The following EP400 variants were observed in gnomAD, a reference collection of about 807,000 sequenced individuals.
EP400 encodes the protein E1A binding protein p400.
EP400 carries 105 observed loss-of-function variants against 354.1 expected under a neutral mutation model. The ratio of observed to expected loss-of-function variants is 0.30; its 90% CI spans 0.25 to 0.35. EP400 has a LOEUF of 0.35. Among genes scored for constraint, EP400 ranks in the 10% least tolerant of loss-of-function variants. The pLI, the probability that EP400 is intolerant of heterozygous loss-of-function variation, is 1.00. For synonymous variants in EP400, 1,646 were observed against 1,716.9 expected (o/e 0.96, Z 1.02); for missense variants, 3,280 against 4,121.0 (o/e 0.80, Z 5.59).
intron 15 of EP400, 111 bp downstream of exon 15, chr12:132,006,988 C>T (rs377675185): frequency 9.7e-6 from 12 of 1,237,582 alleles, no homozygotes; most frequent in Middle Eastern, 5.0e-4. Context: ...TTCTTTGCTC[C>T]TATCTGTTGA....
At chr12:131,950,419 C>T (rs1462889583) in intron 1 of EP400, among the ~76,000 whole-genome samples, 3 of 152,308 alleles carry the variant, frequency 2.0e-5, no homozygotes, top group African/African-American at 4.8e-5. Flanking sequence ...GCTCTTGCTC[C>T]TGGCGCTTGC....
chr12:131,987,731 G>A lies in EP400; in HGVS notation c.2250G>A (p.Ala750=), dbSNP rs780209759. Residue 750 remains alanine (A), a synonymous_variant, in exon 7 of 53, where the codon GCG becomes GCA. Coordinates refer to ENST00000389561, the MANE Select transcript of EP400 (RefSeq NM_015409.5). ...TLENQVHQRI[A]ELRKAGLWSQ... The stretch of plus-strand genomic sequence containing the variant: ...AGAACCAGGTGCATCAGCGCATTGC[G>A]GAGCTGAGGAAAGCAGGTCTGTGGT... The A allele has an allele frequency of 2.9e-5, 46 of 1,609,658 alleles. 1 individual carries two copies. In the South Asian group the frequency reaches 4.0e-4, roughly 14 times the overall value.
At chr12:132,039,178 T>C (rs987474257) in intron 32 of EP400, among the ~76,000 whole-genome samples, 8 of 152,202 alleles carry the variant, frequency 5.3e-5, no homozygotes, top group African/African-American at 1.9e-4. Flanking sequence ...CATTACTCAG[T>C]TACTGAATAA....
intron 30 of EP400, among the ~76,000 whole-genome samples, chr12:132,036,271 A>C (rs1461830834): frequency 2.0e-5 from 3 of 146,602 alleles, no homozygotes; most frequent in Non-Finnish European, 3.0e-5. Context: ...CGTCGTGGGA[A>C]GGACACACCC....
intron 51 of EP400, 51 bp from the exon 52 acceptor site, chr12:132,076,465 G>A (rs1353805416): frequency 1.3e-6 from 2 of 1,574,114 alleles, no homozygotes; most frequent in South Asian, 1.1e-5. Flanking sequence ...ATCTCTTTTT[G>A]TGCACATACT....
rs764944164 is a variant in EP400, at chr12:132,013,422, G to A, written c.3612-68G>A. Reference sequence around the variant, plus strand: ...CTGTCCCTTTTCTCACACATTGTCAGAGAAGATGCTGCTGCAGCCAGCCCC... The same window carrying A: ...CTGTCCCTTTTCTCACACATTGTCAAAGAAGATGCTGCTGCAGCCAGCCCC... On this transcript the variant is annotated intron_variant, in intron 17 of 52. Transcript: ENST00000389561. This position sits in a 1 kb window ranked among gnomAD's most constrained non-coding sequence, Gnocchi z 4.5. 5.1e-5 allele frequency: 77 copies of A among 1,503,400 alleles called. No individual in the cohort carries two copies. The highest frequency in any genetic ancestry group is 6.7e-5 in the Non-Finnish European group (75 of 1,122,646). The allele number at this position is 1,503,400 out of a possible 1,614,324, so 93.1% of individuals were successfully genotyped here.
At chr12:132,031,184 T>TGAGGTTA (rs766029877) in intron 29 of EP400, 1 of 498,068 alleles carries the variant, frequency 2.0e-6, no homozygotes, top group South Asian at 1.5e-5. Flanking sequence ...TGGTCAACAG[T>TGAGGTTA]GAGGTTAGAG....
rs200737694 is a variant in EP400, at chr12:132,003,192, TA to T, written c.2828-1871del. ...AAGACCCCATCTCTAAAAGAAATAT[TA>T]AAAAAAAAAAAAACAGCCAACCAAA... On this transcript the variant is annotated intron_variant, in intron 12 of 52. Coordinates refer to ENST00000389561, the MANE Select transcript of EP400 (RefSeq NM_015409.5). Among the ~76,000 whole-genome samples, 537 of 116,588 alleles carry T rather than the reference TA, an allele frequency of 4.6e-3. 2 individuals are homozygous for T. Among genetic ancestry groups the T allele is most frequent in the Middle Eastern group, 0.017 (4 of 240 alleles). The allele number at this position is 116,588 out of a possible 152,430, so 76.5% of individuals were successfully genotyped here.
intron 23 of EP400, among the ~76,000 whole-genome samples, chr12:132,022,804 G>A (rs1438016195): frequency 6.6e-6 from 1 of 151,894 alleles, no homozygotes; most frequent in African/African-American, 2.4e-5. Context: ...TGTAGACACC[G>A]TGGCTCACAC....
intron 45 of EP400, 36 bp downstream of exon 45, chr12:132,055,244 T>G (rs1357829049): frequency 1.4e-6 from 2 of 1,451,558 alleles, no homozygotes; most frequent in Non-Finnish European, 1.9e-6. Flanking sequence ...GCACCTTGAC[T>G]GCATTCTGCC....
rs564239648 is a variant in EP400 at position 131,950,883 on chromosome 12, G to A, written c.-36+847G>A. On this transcript the variant is annotated intron_variant, in intron 1 of 52. Coordinates refer to ENST00000389561, the MANE Select transcript of EP400 (RefSeq NM_015409.5). Reference sequence around the variant, plus strand: ...ACCAAAGGCTTGGGCCACCATGCCCGGCTCACTTTTTATTTTGTTTTGTTA... The same window carrying A: ...ACCAAAGGCTTGGGCCACCATGCCCAGCTCACTTTTTATTTTGTTTTGTTA... Among the ~76,000 whole-genome samples, 76 of 152,112 alleles carry A rather than the reference G, an allele frequency of 5.0e-4. No individual in the cohort carries two copies. The South Asian group carries it at 6.6e-3, about 13-fold the overall frequency.
rs762111390 is a variant in EP400, at chr12:132,020,115, C to T, written c.4344C>T (p.His1448=). The T allele has an allele frequency of 6.2e-7, 1 of 1,610,392 alleles. No homozygotes were observed. Among genetic ancestry groups the T allele is most frequent in the South Asian group, 1.1e-5 (1 of 90,116 alleles). ...EGRTVAFPST[H]PPRTAAPTTA... Reference sequence around the variant, plus strand: ...GCACCGTGGCTTTCCCCAGCACTCACCCGCCCCGGACGGCAGCCCCCACCA... The same window carrying T: ...GCACCGTGGCTTTCCCCAGCACTCATCCGCCCCGGACGGCAGCCCCCACCA... Residue 1448 remains histidine (H), a synonymous_variant, in exon 22 of 53, where the codon CAC becomes CAT. Coordinates refer to ENST00000389561, the MANE Select transcript of EP400 (RefSeq NM_015409.5).
intron 48 of EP400, 46 bp from the exon 49 acceptor site, chr12:132,066,728 C>G: frequency 6.4e-7 from 1 of 1,562,388 alleles, no homozygotes; most frequent in Non-Finnish European, 8.7e-7. Flanking sequence ...AAAGACATAC[C>G]GTGTCCTGAA....
At chr12:131,996,787 T>G (rs890352847) in intron 12 of EP400, among the ~76,000 whole-genome samples, 1 of 152,204 alleles carries the variant, frequency 6.6e-6, no homozygotes, top group African/African-American at 2.4e-5. Context: ...TGTTTCTTCC[T>G]TTGTTCATTT....
chr12:132,036,863 C>A (rs1435034043), intron 30 of EP400, among the ~76,000 whole-genome samples: 1 of 152,292 alleles, frequency 6.6e-6, no homozygotes, highest in South Asian at 2.1e-4. Context: ...CCCTTTATCA[C>A]GTATTTAGTT....
In EP400 at chr12:132,054,846, A is replaced by T. The variant is rs1035544042; in HGVS notation, c.7729-128A>T. 6 of 942,726 alleles carry T rather than the reference A, an allele frequency of 6.4e-6. No homozygotes were observed. Among genetic ancestry groups the T allele is most frequent in the African/African-American group, 1.6e-5 (1 of 61,240 alleles). The allele number at this position is 942,726 out of a possible 1,614,324, so 58.4% of individuals were successfully genotyped here. A position where few individuals can be genotyped will look rare whatever the true frequency, so the allele number is the denominator to read the frequency against. On this transcript the variant is annotated intron_variant, in intron 43 of 52. Transcript: ENST00000389561. This position sits in a 1 kb window ranked among gnomAD's most constrained non-coding sequence, Gnocchi z 4.0. ...CGCCAGGTGGAATGAGCTGGGGAGG[A>T]TGGGACAGGTGGCTGTGTGAATGTC... is the stretch of plus-strand genomic sequence containing the variant.
At chr12:132,057,115 A>G (rs1158988828) in intron 45 of EP400, among the ~76,000 whole-genome samples, 2 of 152,244 alleles carry the variant, frequency 1.3e-5, no homozygotes, top group African/African-American at 4.8e-5. Flanking sequence ...AGTTTCTTAT[A>G]AAACCAAGCC....
intron 12 of EP400, among the ~76,000 whole-genome samples, chr12:132,001,442 AC>A: frequency 6.6e-6 from 1 of 152,348 alleles, no homozygotes; most frequent in Middle Eastern, 3.4e-3. Flanking sequence ...AGGCAGAGCC[AC>A]GTGTACAGGA....
intron 9 of EP400, 83 bp from the exon 10 acceptor site, chr12:131,991,323 CA>C: frequency 1.4e-6 from 2 of 1,391,444 alleles, no homozygotes; most frequent in Non-Finnish European, 1.0e-6. Flanking sequence ...TGGGTGGAGG[CA>C]GCAGGACCCT....
Sources: allele counts gnomAD v4.1 joint callset (sites outside exome capture counted in the v4.1 genomes callset), GRCh38; gene constraint gnomAD v4.1.1; non-coding constraint Gnocchi (gnomAD v3.1); transcripts MANE v1.5; gene names NCBI Gene and HGNC (gene_info 2026-07-23, HGNC 2026-07-21).